THSD7A: variants seen among roughly 807,000 people sequenced by gnomAD.
THSD7A encodes thrombospondin type-1 domain-containing protein 7A.
A neutral mutation model predicts 231.3 loss-of-function variants in THSD7A; 96 were observed. That is an observed-to-expected ratio of 0.41 (90% CI 0.35 to 0.49). The LOEUF is 0.49. THSD7A is among the 20% of genes least tolerant of loss of function. THSD7A has a pLI of 0.05. For synonymous variants in THSD7A, 940 were observed against 743.3 expected, an observed-to-expected ratio of 1.26 and a Z score of -4.30; for missense variants, 2,290 against 2,070.2, an observed-to-expected ratio of 1.11 and a Z score of -2.06.
rs924077164 is a variant in THSD7A, at chr7:11,637,311, C to A, written c.191-350G>T. 3.9e-5 allele frequency among the ~76,000 whole-genome samples: 6 copies of A among 152,148 alleles called. No individual in the cohort carries two copies. The highest frequency in any genetic ancestry group is 1.4e-4 in the African/African-American group (6 of 41,430). On this transcript the variant is annotated intron_variant, in intron 1 of 27. Coordinates refer to ENST00000423059, the MANE Select transcript of THSD7A (RefSeq NM_015204.3). The surrounding 1 kb of genome is among the most constrained non-coding windows in gnomAD (Gnocchi z 4.2). ...TCACAGTGAAAACTCATTACTCCGGCCTCACAATCATCAAATCCATTTCAG... is the reference window on the plus strand; with the variant it reads ...TCACAGTGAAAACTCATTACTCCGGACTCACAATCATCAAATCCATTTCAG...
chr7:11,659,109 C>A (rs900324903), intron 1 of THSD7A, among the ~76,000 whole-genome samples: 1 of 151,672 alleles, frequency 6.6e-6, no homozygotes. Context: ...AGTTATTACT[C>A]ATTTGTCACT....
At chr7:11,773,257 G>C (rs1481102528) in intron 1 of THSD7A, among the ~76,000 whole-genome samples, 1 of 152,152 alleles carries the variant, frequency 6.6e-6, no homozygotes, top group Admixed American at 6.5e-5. Context: ...GAAGTGGCTG[G>C]GCACAGTGGC....
chr7:11,514,434 T>G (rs1787943072), intron 6 of THSD7A, among the ~76,000 whole-genome samples: 1 of 152,196 alleles, frequency 6.6e-6, no homozygotes, highest in Non-Finnish European at 1.5e-5. Flanking sequence ...AAACATGATA[T>G]GTTTAGACAC....
In THSD7A at chr7:11,407,010, T is replaced by C. The variant is rs1311547481; in HGVS notation, c.3962A>G (p.Asp1321Gly). 2.5e-6 allele frequency: 4 copies of C among 1,613,810 alleles called. No individual in the cohort carries two copies. The highest frequency in any genetic ancestry group is 3.4e-6 in the Non-Finnish European group (4 of 1,179,876). The change falls in exon 21 of 28, where the codon GAT (aspartate) becomes GGT (glycine). Residue 1321 changes from aspartate (D) to glycine (G), a missense_variant. By Grantham distance (94) the Asp-to-Gly change is moderately conservative. Coordinates refer to ENST00000423059, the MANE Select transcript of THSD7A (RefSeq NM_015204.3). ...RRTVTQPFQG[D>G]GRPCPSLMDQ... ...CATCAGGGAAGGGCATGGTCTTCCATCACCTTGAAAGGGCTGGGTCACTGT... is the reference window on the plus strand; with the variant it reads ...CATCAGGGAAGGGCATGGTCTTCCACCACCTTGAAAGGGCTGGGTCACTGT...
intron 1 of THSD7A, among the ~76,000 whole-genome samples, chr7:11,774,380 T>A (rs1176520847): frequency 6.6e-6 from 1 of 152,074 alleles, no homozygotes; most frequent in Non-Finnish European, 1.5e-5. Flanking sequence ...TTAGGCAAGA[T>A]AAATCAGTTC....
At position 11,632,543 on chromosome 7, in the gene THSD7A, C is replaced by T. The variant is rs1321127753; in HGVS notation, c.1022+3587G>A. Among the ~76,000 whole-genome samples the T allele has an allele frequency of 6.6e-6, 1 of 151,876 alleles. No individual in the cohort carries two copies. The highest frequency in any genetic ancestry group is 1.5e-5 in the Non-Finnish European group (1 of 67,944). On this transcript the variant is annotated intron_variant, in intron 2 of 27. Coordinates refer to ENST00000423059, the MANE Select transcript of THSD7A (RefSeq NM_015204.3). The surrounding 1 kb of genome is among the most constrained non-coding windows in gnomAD (Gnocchi z 4.1). ...CTGAGGGAAAAGGTCTTATTTTTACCACTTGCTTTCTAATTTTCATTTCCT... is the reference window on the plus strand; with the variant it reads ...CTGAGGGAAAAGGTCTTATTTTTACTACTTGCTTTCTAATTTTCATTTCCT...
intron 7 of THSD7A, among the ~76,000 whole-genome samples, chr7:11,481,318 A>G (rs1191256351): frequency 2.0e-5 from 3 of 152,156 alleles, no homozygotes; most frequent in African/African-American, 7.2e-5. Context: ...AAGAAACTGA[A>G]AATTGCAATT....
chr7:11,688,990 C>A (rs1180557068), intron 1 of THSD7A, among the ~76,000 whole-genome samples: 1 of 151,848 alleles, frequency 6.6e-6, no homozygotes, highest in Non-Finnish European at 1.5e-5. Context: ...TTCTGTTTCT[C>A]TTCCCTATTT....
intron 1 of THSD7A, among the ~76,000 whole-genome samples, chr7:11,646,842 T>G (rs1023014205): frequency 5.9e-5 from 9 of 152,018 alleles, no homozygotes; most frequent in African/African-American, 2.2e-4. Flanking sequence ...AAGGTTTATA[T>G]GCAATAGTTT....
chr7:11,724,943 T>C (rs1293838633), intron 1 of THSD7A, among the ~76,000 whole-genome samples: 12 of 151,824 alleles, frequency 7.9e-5, no homozygotes, highest in Admixed American at 3.3e-4. Flanking sequence ...CTTCTTCTTC[T>C]TCTTCTTCGT....
chr7:11,571,466 G>T (rs150025613), intron 4 of THSD7A, among the ~76,000 whole-genome samples: 162 of 152,290 alleles, frequency 1.1e-3, no homozygotes, highest in African/African-American at 3.7e-3. Context: ...AGCTTAGTAT[G>T]TGCCTGGCCT....
At chr7:11,819,802 G>T (rs909234727) in intron 1 of THSD7A, among the ~76,000 whole-genome samples, 1 of 152,152 alleles carries the variant, frequency 6.6e-6, no homozygotes, top group Non-Finnish European at 1.5e-5. Context: ...GAATCCTAAT[G>T]TAAACCATGG....
At chr7:11,756,790 A>G (rs1782692999) in intron 1 of THSD7A, among the ~76,000 whole-genome samples, 1 of 152,128 alleles carries the variant, frequency 6.6e-6, no homozygotes, top group South Asian at 2.1e-4. Flanking sequence ...AAGGAAAGGC[A>G]ATAATCAAAG....
intron 11 of THSD7A, among the ~76,000 whole-genome samples, chr7:11,455,927 A>G (rs981280643): frequency 2.6e-5 from 4 of 152,056 alleles, no homozygotes; most frequent in Non-Finnish European, 1.5e-5. Flanking sequence ...TGCTATTAAT[A>G]GTATTAAGAG....
At chr7:11,737,790 G>A (rs1781967980) in intron 1 of THSD7A, among the ~76,000 whole-genome samples, 1 of 151,750 alleles carries the variant, frequency 6.6e-6, no homozygotes, top group Admixed American at 6.6e-5. Flanking sequence ...AAGAGCAGAG[G>A]GTGACTCCAA....
chr7:11,500,043 T>C (rs1319636063), intron 6 of THSD7A, among the ~76,000 whole-genome samples: 1 of 152,022 alleles, frequency 6.6e-6, no homozygotes, highest in Non-Finnish European at 1.5e-5. Flanking sequence ...AAGGTTGAAA[T>C]GAAAGAATGT....
In THSD7A at chr7:11,832,014, G is replaced by A; in HGVS notation, c.-68C>T. The A allele has an allele frequency of 9.3e-7, 1 of 1,076,888 alleles. No individual in the cohort carries two copies. Among genetic ancestry groups the A allele is most frequent in the South Asian group, 4.7e-5 (1 of 21,490 alleles). 66.7% of individuals were successfully genotyped at this position (1,076,888 alleles called of 1,614,324 possible). A position where few individuals can be genotyped will look rare whatever the true frequency, so the allele number is the denominator to read the frequency against. On this transcript the variant is annotated 5_prime_UTR_variant, in exon 1 of 28. Coordinates refer to ENST00000423059, the MANE Select transcript of THSD7A (RefSeq NM_015204.3). Reference sequence around the variant, plus strand: ...GGCAGGGAATTTTTCTCCGCTCTTGGAACGTCTTTTCAAAGAGTACAGAAA... The same window carrying A: ...GGCAGGGAATTTTTCTCCGCTCTTGAAACGTCTTTTCAAAGAGTACAGAAA...
chr7:11,484,596 T>C (rs2128305560), intron 6 of THSD7A, among the ~76,000 whole-genome samples: 1 of 152,302 alleles, frequency 6.6e-6, no homozygotes, highest in South Asian at 2.1e-4. Context: ...TATCCGTATC[T>C]GTCTTGGTTG....
chr7:11,670,118 G>A lies in THSD7A; in HGVS notation c.191-33157C>T, dbSNP rs145157490. Among the ~76,000 whole-genome samples, 4 of 152,278 alleles carry A rather than the reference G, an allele frequency of 2.6e-5. No individual in the cohort carries two copies. In the East Asian group the frequency reaches 5.8e-4, roughly 22 times the overall value. Reference sequence around the variant, plus strand: ...GAAAGGACCCTAAACAAAGCAAACAGCACAAAGACAGGCAAAAAGCAGATC... The same window carrying A: ...GAAAGGACCCTAAACAAAGCAAACAACACAAAGACAGGCAAAAAGCAGATC... On this transcript the variant is annotated intron_variant, in intron 1 of 27. Transcript: ENST00000423059.
Sources: allele counts gnomAD v4.1 joint callset (sites outside exome capture counted in the v4.1 genomes callset), GRCh38; gene constraint gnomAD v4.1.1; non-coding constraint Gnocchi (gnomAD v3.1); transcripts MANE v1.5; gene names NCBI Gene and HGNC (gene_info 2026-07-23, HGNC 2026-07-21).